Variants in CSTF3 observed in about 807,000 individuals in gnomAD.
CSTF3 encodes the protein CF-1 77 kDa subunit.
CSTF3 carries 29 observed loss-of-function variants against 105.8 expected under a neutral mutation model. That is an observed-to-expected ratio of 0.27 (90% CI 0.20 to 0.37). CSTF3 has a LOEUF of 0.37. CSTF3 is among the 10% of genes least tolerant of loss of function. The pLI is 1.00. For missense variants in CSTF3, 357 were observed against 879.3 expected (o/e 0.41, Z 7.51); for synonymous variants, 252 against 281.9 (o/e 0.89, Z 1.06).
chr11:33,129,387 C>T (rs1199159278), intron 3 of CSTF3, among the ~76,000 whole-genome samples: 2 of 151,544 alleles, frequency 1.3e-5, no homozygotes, highest in Non-Finnish European at 2.9e-5. Context: ...CCACCAAGCC[C>T]GGCCTACTTT....
chr11:33,108,094 C>A, intron 4 of CSTF3, 94 bp from the exon 5 acceptor site: 1 of 740,416 alleles, frequency 1.4e-6, no homozygotes. Context: ...ATTCAGCTCC[C>A]TTTATGAATT....
At chr11:33,131,184 G>A (rs969812394) in intron 3 of CSTF3, among the ~76,000 whole-genome samples, 4 of 152,146 alleles carry the variant, frequency 2.6e-5, no homozygotes, top group Admixed American at 6.5e-5. Flanking sequence ...ATGGAGAATA[G>A]CAACTAGAAT....
chr11:33,135,453 T>C (rs1266799545), intron 3 of CSTF3, among the ~76,000 whole-genome samples: 2 of 152,176 alleles, frequency 1.3e-5, no homozygotes, highest in Non-Finnish European at 2.9e-5. Context: ...ACATACCATA[T>C]GTCCATCCTC....
intron 1 of CSTF3, among the ~76,000 whole-genome samples, chr11:33,145,950 A>G (rs1266351641): frequency 6.6e-6 from 1 of 152,082 alleles, no homozygotes; most frequent in African/African-American, 2.4e-5. Context: ...GAAACTGATC[A>G]ATGTGGCCAG....
At position 33,099,013 on chromosome 11, in the gene CSTF3, G is replaced by C. The variant is rs1255778809; in HGVS notation, c.1053+21C>G. 1.9e-6 allele frequency: 3 copies of C among 1,556,910 alleles called. No individual in the cohort carries two copies. In the Admixed American group the frequency reaches 7.2e-5, roughly 37 times the overall value. ...CACTAAAAAATTGAATTATAAGAAGGCTCTAAACATTTTTACTTACCTCTT... is the reference window on the plus strand; with the variant it reads ...CACTAAAAAATTGAATTATAAGAAGCCTCTAAACATTTTTACTTACCTCTT... On this transcript the variant is annotated intron_variant, in intron 12 of 20. Coordinates refer to ENST00000323959, the MANE Select transcript of CSTF3 (RefSeq NM_001326.3). The surrounding 1 kb of genome is among the most constrained non-coding windows in gnomAD (Gnocchi z 4.1).
intron 3 of CSTF3, among the ~76,000 whole-genome samples, chr11:33,120,141 TAAAAC>T (rs1021620886): frequency 2.6e-5 from 4 of 151,472 alleles, no homozygotes; most frequent in Non-Finnish European, 5.9e-5. Flanking sequence ...GAGATTCTTA[TAAAAC>T]AAAAACTGGA....
chr11:33,096,227 C>A (rs1855221690), intron 15 of CSTF3, 79 bp downstream of exon 15: 2 of 1,014,888 alleles, frequency 2.0e-6, no homozygotes, highest in Non-Finnish European at 2.8e-6. Context: ...ATAATACATT[C>A]AAGAAGGAAG....
chr11:33,137,876 A>G (rs1400595398), intron 3 of CSTF3, among the ~76,000 whole-genome samples: 1 of 151,824 alleles, frequency 6.6e-6, no homozygotes, highest in Non-Finnish European at 1.5e-5. Context: ...CAGAAAGAAA[A>G]CATTATAATA....
At chr11:33,087,548 G>A (rs1207023352) in intron 17 of CSTF3, among the ~76,000 whole-genome samples, 1 of 152,144 alleles carries the variant, frequency 6.6e-6, no homozygotes, top group Non-Finnish European at 1.5e-5. Flanking sequence ...GAAGAAGCTG[G>A]ATTAAGTGAC....
intron 3 of CSTF3, among the ~76,000 whole-genome samples, chr11:33,137,671 T>C (rs1270638105): frequency 6.6e-6 from 1 of 151,792 alleles, no homozygotes; most frequent in African/African-American, 2.4e-5. Flanking sequence ...TAAAAAAGCA[T>C]ATTGAGTTTT....
At chr11:33,100,354 C>A (rs1193227207) in intron 10 of CSTF3, among the ~76,000 whole-genome samples, 44 of 127,012 alleles carry the variant, frequency 3.5e-4, no homozygotes, top group Admixed American at 6.7e-4. Flanking sequence ...GACTCCATCT[C>A]AAAAAAAAAA....
intron 3 of CSTF3, among the ~76,000 whole-genome samples, chr11:33,113,984 C>G (rs534599525): frequency 6.6e-5 from 10 of 152,158 alleles, no homozygotes; most frequent in African/African-American, 2.4e-4. Flanking sequence ...CTTTTGAATA[C>G]TTCATATTTC....
At chr11:33,095,819 CAAATAAAT>C (rs61377553) in intron 15 of CSTF3, among the ~76,000 whole-genome samples, 35 of 146,138 alleles carry the variant, frequency 2.4e-4, no homozygotes, top group East Asian at 1.2e-3. Context: ...GACTCTGTCT[CAAATAAAT>C]AAATAAATAA....
At chr11:33,153,435 G>C (rs189393322) in intron 1 of CSTF3, among the ~76,000 whole-genome samples, 112 of 152,136 alleles carry the variant, frequency 7.4e-4, no homozygotes, top group Admixed American at 3.3e-3. Flanking sequence ...TGGGAAGGTG[G>C]GATGTGAAGA....
intron 3 of CSTF3, among the ~76,000 whole-genome samples, chr11:33,137,081 T>C (rs943846730): frequency 3.3e-5 from 5 of 151,830 alleles, no homozygotes; most frequent in Admixed American, 6.6e-5. Flanking sequence ...CACCAAAGAA[T>C]AGAATATAAA....
chr11:33,105,477 G>T, intron 8 of CSTF3, 90 bp downstream of exon 8: 2 of 1,244,836 alleles, frequency 1.6e-6, no homozygotes, highest in Non-Finnish European at 2.2e-6. Flanking sequence ...GTGTAACACT[G>T]ATACAGAAAG....
intron 3 of CSTF3, among the ~76,000 whole-genome samples, chr11:33,138,471 G>A (rs1271300389): frequency 2.0e-5 from 3 of 151,786 alleles, no homozygotes; most frequent in Admixed American, 6.6e-5. Flanking sequence ...GTTCTTTAAA[G>A]AGCACTGAGG....
At chr11:33,105,510 T>C in intron 8 of CSTF3, 57 bp downstream of exon 8, 1 of 1,477,624 alleles carries the variant, frequency 6.8e-7, no homozygotes, top group East Asian at 2.3e-5. Flanking sequence ...AAATCCACAA[T>C]GCATAGAAAT....
intron 5 of CSTF3, among the ~76,000 whole-genome samples, chr11:33,106,407 C>A (rs142675528): frequency 6.6e-6 from 1 of 151,800 alleles, no homozygotes; most frequent in African/African-American, 2.4e-5. Flanking sequence ...CAGAGCAAGA[C>A]CCTGTCTCTA....
Sources: allele counts gnomAD v4.1 joint callset (sites outside exome capture counted in the v4.1 genomes callset), GRCh38; gene constraint gnomAD v4.1.1; non-coding constraint Gnocchi (gnomAD v3.1); transcripts MANE v1.5; gene names NCBI Gene and HGNC (gene_info 2026-07-23, HGNC 2026-07-21).